AKT3: variants seen among roughly 807,000 people sequenced by gnomAD.
AKT3 encodes AKT serine/threonine kinase 3.
In AKT3, 15 loss-of-function variants were observed where a neutral mutation model predicts 65.3. The observed-to-expected ratio is 0.23, with a 90% CI of 0.15 to 0.35. The LOEUF (loss-of-function observed/expected upper bound fraction) is 0.35. Ranked by LOEUF, AKT3 falls within the 10% of genes least tolerant of loss-of-function variation. The pLI, the probability that AKT3 is intolerant of heterozygous loss-of-function variation, is 1.00. For synonymous variants in AKT3, 206 were observed against 183.8 expected, an observed-to-expected ratio of 1.12 and a Z score of -0.98; for missense variants, 243 against 576.5, an observed-to-expected ratio of 0.42 and a Z score of 5.92.
In AKT3 at chr1:243,605,197, C is replaced by CT. The variant is rs540680901; in HGVS notation, c.696+8473dup. On this transcript the variant is annotated intron_variant, in intron 8 of 13. Transcript: ENST00000673466. Reference sequence around the variant, plus strand: ...GGTACACATCACCATACATGGCTAACTTTTTTTTTTTTTTGACACGGGATC... The same window carrying CT: ...GGTACACATCACCATACATGGCTAACTTTTTTTTTTTTTTTGACACGGGATC... 9.9e-3 allele frequency among the ~76,000 whole-genome samples: 1,433 copies of CT among 144,412 alleles called. 12 individuals are homozygous for CT. Among genetic ancestry groups the CT allele is most frequent in the Middle Eastern group, 0.039 (11 of 280 alleles). 94.7% of individuals were successfully genotyped at this position (144,412 alleles called of 152,430 possible).
exon 14 of AKT3, chr1:243,488,261 G>A (rs919434212): frequency 1.3e-5 from 2 of 152,462 alleles, no homozygotes; most frequent in Non-Finnish European, 2.9e-5. Flanking sequence ...TGCACCTTGA[G>A]CTTTAATGGC....
At chr1:243,665,642 C>T (rs1323388172) in intron 3 of AKT3, among the ~76,000 whole-genome samples, 2 of 152,058 alleles carry the variant, frequency 1.3e-5, no homozygotes, top group African/African-American at 2.4e-5. Context: ...TAATTAAACT[C>T]GCTAGTCTTC....
chr1:243,543,693 T>C (rs552548234), intron 12 of AKT3, among the ~76,000 whole-genome samples: 1 of 152,308 alleles, frequency 6.6e-6, no homozygotes, highest in East Asian at 1.9e-4. Context: ...TCCTCAGTGA[T>C]ACTAAGTGGA....
rs398053991 is a variant in AKT3, at chr1:243,646,361, CT to C, written c.285-325del. Among the ~76,000 whole-genome samples, 168 of 146,254 alleles carry C rather than the reference CT, an allele frequency of 1.1e-3. 2 individuals carry two copies. The highest frequency in any genetic ancestry group is 3.8e-3 in the Admixed American group (55 of 14,614). On this transcript the variant is annotated intron_variant, in intron 4 of 13. Coordinates refer to ENST00000673466, the MANE Select transcript of AKT3 (RefSeq NM_005465.7). ...TTTGTCTGTACATATATATATCCTA[CT>C]TTTTTTTTTTTGGAAACGGTCTCAC...
upstream of AKT3, chr1:243,851,018 G>A (rs1171356032): frequency 1.3e-5 from 2 of 152,400 alleles, no homozygotes; most frequent in East Asian, 3.9e-4. Flanking sequence ...GCGGCCCCTT[G>A]GGGAGATGGG....
rs1240421460 is a variant in AKT3 at position 243,500,427 on chromosome 1, G to GTATT, written c.*4818_*4821dup. On this transcript the variant is annotated 3_prime_UTR_variant, in exon 14 of 14. Transcript: ENST00000673466. ...GTCAGATTTTTTTCTTCAATACGCA[G>GTATT]TATTTGAGAGGAGCCTAAAAACGTA... 4.4e-6 allele frequency: 1 copy of GTATT among 225,560 alleles called. No homozygotes were observed. The highest frequency in any genetic ancestry group is 8.8e-6 in the Non-Finnish European group (1 of 113,526). The allele number at this position is 225,560 out of a possible 1,614,324, so 14.0% of individuals were successfully genotyped here.
At chr1:243,825,293 A>G (rs1245044416) in intron 2 of AKT3, among the ~76,000 whole-genome samples, 1 of 152,150 alleles carries the variant, frequency 6.6e-6, no homozygotes, top group Non-Finnish European at 1.5e-5. Context: ...TAGCTAATGC[A>G]TGTTGGGCTT....
intron 6 of AKT3, among the ~76,000 whole-genome samples, chr1:243,621,342 A>G (rs1678734737): frequency 6.6e-6 from 1 of 152,158 alleles, no homozygotes; most frequent in African/African-American, 2.4e-5. Flanking sequence ...TTCCTCCTGA[A>G]AACGTGTTCT....
chr1:243,651,628 C>T (rs914977886), intron 4 of AKT3, among the ~76,000 whole-genome samples: 1 of 152,060 alleles, frequency 6.6e-6, no homozygotes, highest in Non-Finnish European at 1.5e-5. Context: ...TGTTGAAAGC[C>T]TTTTCTGCAT....
At chr1:243,780,750 A>T (rs952563874) in intron 2 of AKT3, among the ~76,000 whole-genome samples, 23 of 151,954 alleles carry the variant, frequency 1.5e-4, no homozygotes, top group African/African-American at 5.6e-4. Flanking sequence ...TACAGGGCTG[A>T]ATTATGTCAA....
At chr1:243,660,420 A>C (rs1015635926) in intron 4 of AKT3, among the ~76,000 whole-genome samples, 1 of 152,192 alleles carries the variant, frequency 6.6e-6, no homozygotes, top group Non-Finnish European at 1.5e-5. Flanking sequence ...GCAAATCAAT[A>C]AACGTAATCC....
intron 8 of AKT3, among the ~76,000 whole-genome samples, chr1:243,604,286 C>G (rs1039897089): frequency 1.3e-5 from 2 of 152,200 alleles, no homozygotes; most frequent in African/African-American, 4.8e-5. Flanking sequence ...GTCCTCTCTA[C>G]TTCAACCTCT....
At chr1:243,815,776 A>AGTTGTTGTTGTTGTTGTT (rs145906932) in intron 2 of AKT3, among the ~76,000 whole-genome samples, 81,071 of 147,056 alleles carry the variant, frequency 0.55, 24,726 homozygotes, top group Non-Finnish European at 0.69. Flanking sequence ...ACACCCAGCT[A>AGTTGTTGTTGTTGTTGTT]GTTGTTGTTG....
intron 2 of AKT3, among the ~76,000 whole-genome samples, chr1:243,755,295 G>A (rs1035269911): frequency 6.7e-5 from 10 of 149,050 alleles, no homozygotes; most frequent in South Asian, 2.1e-4. Context: ...GGGTGGTCTC[G>A]AACTCCTGAG....
intron 2 of AKT3, among the ~76,000 whole-genome samples, chr1:243,728,516 T>C (rs1320710880): frequency 6.6e-6 from 1 of 152,226 alleles, no homozygotes; most frequent in Non-Finnish European, 1.5e-5. Flanking sequence ...GGTGTGCTAA[T>C]GCATCATACT....
At chr1:243,542,089 T>C (rs1672359413) in intron 12 of AKT3, among the ~76,000 whole-genome samples, 2 of 152,208 alleles carry the variant, frequency 1.3e-5, no homozygotes, top group African/African-American at 4.8e-5. Flanking sequence ...AGACTCATTG[T>C]TAAGATGTCA....
chr1:243,744,676 T>G (rs1446923218), intron 2 of AKT3, among the ~76,000 whole-genome samples: 1 of 149,852 alleles, frequency 6.7e-6, no homozygotes, highest in African/African-American at 2.5e-5. Flanking sequence ...GAGGCGGAGC[T>G]TGCAGTGAGC....
intron 5 of AKT3, among the ~76,000 whole-genome samples, chr1:243,638,200 AAGAG>A (rs1297260404): frequency 6.6e-6 from 1 of 152,166 alleles, no homozygotes; most frequent in African/African-American, 2.4e-5. Context: ...AAATCCAAGA[AAGAG>A]AGAGATATAG....
chr1:243,725,066 C>T (rs1687127058), intron 2 of AKT3, among the ~76,000 whole-genome samples: 1 of 151,690 alleles, frequency 6.6e-6, no homozygotes. Flanking sequence ...TTAAATTAGC[C>T]TGGCATGATG....
Sources: gnomAD v4.1 joint callset for allele counts (sites outside exome capture counted in the v4.1 genomes callset) on GRCh38, gnomAD v4.1.1 for gene constraint, MANE v1.5 for transcripts, NCBI Gene and HGNC (gene_info 2026-07-23, HGNC 2026-07-21) for gene names.